STK10: variants seen among roughly 807,000 people sequenced by gnomAD.
STK10 encodes the protein serine/threonine-protein kinase 10.
STK10 carries 78 observed loss-of-function variants against 113.8 expected under a neutral mutation model. That is an observed-to-expected ratio of 0.69 (90% CI 0.57 to 0.83). STK10 has a LOEUF of 0.83. STK10 is among the 40% of genes least tolerant of loss of function. The probability of loss-of-function intolerance (pLI) is 0.00; values close to 1 mark genes in which losing one functional copy is unlikely to be tolerated. For synonymous variants in STK10, 465 were observed against 494.7 expected (o/e 0.94, Z 0.80); for missense variants, 1,109 against 1,280.1 (o/e 0.87, Z 2.04).
At chr5:172,183,684 T>A (rs950089574) in intron 1 of STK10, among the ~76,000 whole-genome samples, 7 of 152,174 alleles carry the variant, frequency 4.6e-5, no homozygotes, top group African/African-American at 1.7e-4. Context: ...CTTGAACTCC[T>A]GACGTCAAGT....
chr5:172,082,865 C>G lies in STK10; in HGVS notation c.1809+96G>C. On this transcript the variant is annotated intron_variant, in intron 11 of 18. Transcript: ENST00000176763. The surrounding 1 kb of genome is among the most constrained non-coding windows in gnomAD (Gnocchi z 4.3). ...GGAATTGGGCAATTGTTGTGAATTA[C>G]TCTCCACTACCCAATCATTCCCACT... The G allele has an allele frequency of 2.6e-6, 4 of 1,532,510 alleles. No individual in the cohort carries two copies. Among genetic ancestry groups the G allele is most frequent in the Non-Finnish European group, 3.5e-6 (4 of 1,139,434 alleles). The allele number at this position is 1,532,510 out of a possible 1,614,324, so 94.9% of individuals were successfully genotyped here. A position where few individuals can be genotyped will look rare whatever the true frequency, so the allele number is the denominator to read the frequency against.
intron 1 of STK10, among the ~76,000 whole-genome samples, chr5:172,165,449 C>G (rs1770551813): frequency 6.6e-6 from 1 of 152,168 alleles, no homozygotes; most frequent in Non-Finnish European, 1.5e-5. Flanking sequence ...CCTGGGGCAC[C>G]CCTAACCTCA....
intron 2 of STK10, among the ~76,000 whole-genome samples, chr5:172,143,740 G>A (rs1049531117): frequency 2.6e-5 from 4 of 152,194 alleles, no homozygotes; most frequent in Non-Finnish European, 2.9e-5. Context: ...CAAAGTGAGC[G>A]AAGTCACTTT....
At position 172,082,678 on chromosome 5, in the gene STK10, T is replaced by C. The variant is rs1768460067; in HGVS notation, c.1810-173A>G. Among the ~76,000 whole-genome samples, 1 of 152,172 alleles carries C rather than the reference T, an allele frequency of 6.6e-6. No homozygotes were observed. The highest frequency in any genetic ancestry group is 6.5e-5 in the Admixed American group (1 of 15,270). On this transcript the variant is annotated intron_variant, in intron 11 of 18. Coordinates refer to ENST00000176763, the MANE Select transcript of STK10 (RefSeq NM_005990.4). The surrounding 1 kb of genome is among the most constrained non-coding windows in gnomAD (Gnocchi z 4.3). ...GCAAGTTACTTAGCCTGAGTCTCCA[T>C]TTCCTCATCTGCAAAAGGGAGACCA...
chr5:172,127,427 G>A lies in STK10; in HGVS notation c.322-6C>T, dbSNP rs370596250. The A allele has an allele frequency of 3.1e-6, 5 of 1,613,448 alleles. No individual in the cohort carries two copies. In the African/African-American group the frequency reaches 5.3e-5, roughly 17 times the overall value. On this transcript the variant is annotated splice_polypyrimidine_tract_variant and splice_region_variant and intron_variant, in intron 2 of 18. Coordinates refer to ENST00000176763, the MANE Select transcript of STK10 (RefSeq NM_005990.4). ...GGACAGAACTCAATCATGATCTGCA[G>A]AAAACACAGGGCAAAGTGACAATGA...
intron 1 of STK10, among the ~76,000 whole-genome samples, chr5:172,186,268 T>A (rs552174291): frequency 5.9e-5 from 9 of 151,524 alleles, no homozygotes; most frequent in African/African-American, 1.9e-4. Context: ...AGAGTGAGAC[T>A]CCGTCTCACA....
chr5:172,139,186 T>A (rs982902867), intron 2 of STK10, among the ~76,000 whole-genome samples: 1 of 151,874 alleles, frequency 6.6e-6, no homozygotes, highest in Non-Finnish European at 1.5e-5. Context: ...AATAGAAAAA[T>A]CTATCCTAAA....
intron 7 of STK10, among the ~76,000 whole-genome samples, chr5:172,098,251 C>T (rs1158318619): frequency 1.3e-5 from 2 of 152,098 alleles, no homozygotes; most frequent in Non-Finnish European, 1.5e-5. Flanking sequence ...TTCATTTGGC[C>T]GGGCGCGGTG....
At chr5:172,101,464 C>T (rs1034468663) in intron 7 of STK10, among the ~76,000 whole-genome samples, 6 of 143,192 alleles carry the variant, frequency 4.2e-5, no homozygotes, top group African/African-American at 1.4e-4. Context: ...AGCGAGACTC[C>T]GTCTCCAAAA....
intron 7 of STK10, among the ~76,000 whole-genome samples, chr5:172,105,385 C>G (rs1342012379): frequency 1.3e-5 from 2 of 152,058 alleles, no homozygotes; most frequent in Non-Finnish European, 2.9e-5. Context: ...ACTGGCCACC[C>G]CCTGCCACGC....
intron 1 of STK10, among the ~76,000 whole-genome samples, chr5:172,185,920 A>C (rs1770948083): frequency 6.6e-6 from 1 of 152,200 alleles, no homozygotes; most frequent in Non-Finnish European, 1.5e-5. Flanking sequence ...TCGGATCACA[A>C]GACCTCTCCC....
intron 3 of STK10, among the ~76,000 whole-genome samples, chr5:172,122,749 A>C (rs931839136): frequency 6.6e-6 from 1 of 152,042 alleles, no homozygotes; most frequent in Non-Finnish European, 1.5e-5. Flanking sequence ...TCAGCCTCCC[A>C]AGTAGCTGGG....
chr5:172,044,762 G>T lies in STK10; in HGVS notation c.*120C>A. The T allele has an allele frequency of 1.9e-6, 3 of 1,542,408 alleles. No homozygotes were observed. The highest frequency in any genetic ancestry group is 2.3e-5 in the East Asian group (1 of 44,338). On this transcript the variant is annotated 3_prime_UTR_variant, in exon 19 of 19. Transcript: ENST00000176763. The surrounding 1 kb of genome is among the most constrained non-coding windows in gnomAD (Gnocchi z 4.5). ...CAGTTGGGGTGGCACAGGGCGAGGG[G>T]CTGGATTTGAGCTGGCACAGACGCA...
intron 2 of STK10, among the ~76,000 whole-genome samples, chr5:172,142,321 C>T (rs1769990510): frequency 6.6e-6 from 1 of 152,208 alleles, no homozygotes; most frequent in South Asian, 2.1e-4. Flanking sequence ...CTCTCTTCTC[C>T]ACCAGACCAG....
intron 10 of STK10, among the ~76,000 whole-genome samples, chr5:172,086,763 C>T (rs779670514): frequency 4.6e-5 from 7 of 152,202 alleles, no homozygotes; most frequent in Non-Finnish European, 7.3e-5. Context: ...GCTCAGACCT[C>T]CAGACCACGG....
At chr5:172,181,276 A>AT (rs1454895677) in intron 1 of STK10, among the ~76,000 whole-genome samples, 2 of 152,044 alleles carry the variant, frequency 1.3e-5, no homozygotes, top group Admixed American at 1.3e-4. Context: ...GTACTACTGG[A>AT]TTTTAGATTC....
intron 4 of STK10, among the ~76,000 whole-genome samples, chr5:172,113,773 C>T (rs917454082): frequency 2.0e-5 from 3 of 152,180 alleles, no homozygotes; most frequent in East Asian, 3.9e-4. Flanking sequence ...ATTAGCCAGG[C>T]GTGGTGGCAC....
Position 172,188,207 on chromosome 5 carries a change from C to G in STK10, c.-165G>C. 8.2e-7 allele frequency: 1 copy of G among 1,222,154 alleles called. No homozygotes were observed. The highest frequency in any genetic ancestry group is 1.1e-6 in the Non-Finnish European group (1 of 932,118). 75.7% of individuals were successfully genotyped at this position (1,222,154 alleles called of 1,614,324 possible). A position where few individuals can be genotyped will look rare whatever the true frequency, so the allele number is the denominator to read the frequency against. On this transcript the variant is annotated 5_prime_UTR_variant, in exon 1 of 19. Coordinates refer to ENST00000176763, the MANE Select transcript of STK10 (RefSeq NM_005990.4). The surrounding 1 kb of genome is among the most constrained non-coding windows in gnomAD (Gnocchi z 5.6). ...CGACCTCGGTCAAGTGTGCCCTGGGCAGCGCCGCGCCGGGAGCACCCGGAA... is the reference window on the plus strand; with the variant it reads ...CGACCTCGGTCAAGTGTGCCCTGGGGAGCGCCGCGCCGGGAGCACCCGGAA...
chr5:172,048,540 A>G (rs998988332), intron 18 of STK10, among the ~76,000 whole-genome samples: 1 of 152,044 alleles, frequency 6.6e-6, no homozygotes, highest in Non-Finnish European at 1.5e-5. Flanking sequence ...AAGATCCCAA[A>G]GCTGGTGACC....
Sources: gnomAD v4.1 joint callset for allele counts (sites outside exome capture counted in the v4.1 genomes callset) on GRCh38, gnomAD v4.1.1 for gene constraint, Gnocchi (gnomAD v3.1) non-coding constraint, MANE v1.5 for transcripts, NCBI Gene and HGNC (gene_info 2026-07-23, HGNC 2026-07-21) for gene names.